Variants in ITPR2 observed in about 807,000 individuals in gnomAD.
ITPR2 encodes the protein inositol 1,4,5-trisphosphate-gated calcium channel ITPR2.
A neutral mutation model predicts 317.1 loss-of-function variants in ITPR2; 207 were observed. The observed-to-expected ratio is 0.65, with a 90% CI of 0.58 to 0.73. The LOEUF (loss-of-function observed/expected upper bound fraction) is 0.73, where lower values mean the gene tolerates loss of function less well. Among genes scored for constraint, ITPR2 ranks in the 30% least tolerant of loss-of-function variants. The pLI, the probability that ITPR2 is intolerant of heterozygous loss-of-function variation, is 0.00. For synonymous variants in ITPR2, 1,156 were observed against 1,149.1 expected (o/e 1.01, Z -0.12); for missense variants, 2,613 against 3,284.0 (o/e 0.80, Z 4.99).
chr12:26,489,887 G>A (rs1942758896), intron 39 of ITPR2, among the ~76,000 whole-genome samples: 1 of 152,136 alleles, frequency 6.6e-6, no homozygotes, highest in East Asian at 1.9e-4. Flanking sequence ...AAACCCCCAT[G>A]GAACTGGCAA....
intron 13 of ITPR2, among the ~76,000 whole-genome samples, chr12:26,674,651 C>T (rs1947866586): frequency 6.6e-6 from 1 of 152,200 alleles, no homozygotes; most frequent in African/African-American, 2.4e-5. Flanking sequence ...GACTTCATGT[C>T]TAAAACACCA....
At chr12:26,611,637 A>G (rs530073896) in intron 26 of ITPR2, among the ~76,000 whole-genome samples, 1 of 152,338 alleles carries the variant, frequency 6.6e-6, no homozygotes, top group Admixed American at 6.5e-5. Context: ...ATATAGGTAT[A>G]CACACAAATA....
intron 35 of ITPR2, among the ~76,000 whole-genome samples, chr12:26,558,678 T>C (rs1944730775): frequency 6.6e-6 from 1 of 152,232 alleles, no homozygotes; most frequent in Non-Finnish European, 1.5e-5. Flanking sequence ...CTGCTCCTTT[T>C]CTCTTTGCTA....
chr12:26,550,113 T>C lies in ITPR2; in HGVS notation c.5073+134A>G, dbSNP rs1053362427. 8.9e-6 allele frequency: 4 copies of C among 449,310 alleles called. No individual in the cohort carries two copies. In the South Asian group the frequency reaches 1.4e-4, roughly 16 times the overall value. 27.8% of individuals were successfully genotyped at this position (449,310 alleles called of 1,614,324 possible). On this transcript the variant is annotated intron_variant, in intron 37 of 56. Transcript: ENST00000381340. ...ATGAATATCATAAAAACTCAAATTA[T>C]ATAATTCATCTAAGTACATGCATCA...
In ITPR2 at chr12:26,663,438, A is replaced by G. The variant is rs543349169; in HGVS notation, c.1713+247T>C. On this transcript the variant is annotated intron_variant, in intron 15 of 56. Coordinates refer to ENST00000381340, the MANE Select transcript of ITPR2 (RefSeq NM_002223.4). ...AGGATGTCCTGGCCACCAGGAACCA[A>G]TAACAGGCACATATTAGTACTCAGG... is the stretch of plus-strand genomic sequence containing the variant. 2.9e-4 allele frequency among the ~76,000 whole-genome samples: 44 copies of G among 152,334 alleles called. No homozygotes were observed. The South Asian group carries it at 9.1e-3, about 32-fold the overall frequency.
chr12:26,806,405 AAAC>A (rs1950639560), intron 1 of ITPR2, among the ~76,000 whole-genome samples: 1 of 152,192 alleles, frequency 6.6e-6, no homozygotes, highest in Admixed American at 6.5e-5. Flanking sequence ...CTTGAAAAAA[AAAC>A]AAGAGACTGT....
At chr12:26,343,921 T>C (rs1938218225) in intron 55 of ITPR2, among the ~76,000 whole-genome samples, 1 of 152,144 alleles carries the variant, frequency 6.6e-6, no homozygotes, top group Admixed American at 6.5e-5. Context: ...GCTTGTCCCC[T>C]CCAAAATTCA....
intron 2 of ITPR2, among the ~76,000 whole-genome samples, chr12:26,760,604 C>G (rs574566183): frequency 1.2e-4 from 19 of 152,246 alleles, no homozygotes; most frequent in African/African-American, 4.6e-4. Flanking sequence ...TTGTCTATAA[C>G]AAATGAACTT....
chr12:26,513,621 T>A lies in ITPR2; in HGVS notation c.5074-18361A>T, dbSNP rs556832029. 4.0e-3 allele frequency among the ~76,000 whole-genome samples: 613 copies of A among 152,018 alleles called. 12 individuals are homozygous for A. The highest frequency in any genetic ancestry group is 0.027 in the Admixed American group (412 of 15,272). On this transcript the variant is annotated intron_variant, in intron 37 of 56. Coordinates refer to ENST00000381340, the MANE Select transcript of ITPR2 (RefSeq NM_002223.4). Reference sequence around the variant, plus strand: ...GCTGCCATGAAAAGTCATCTGGGAATATAATTTCATCTACACCCAAGTTTT... The same window carrying A: ...GCTGCCATGAAAAGTCATCTGGGAAAATAATTTCATCTACACCCAAGTTTT...
chr12:26,500,552 T>A (rs553506202), intron 37 of ITPR2, among the ~76,000 whole-genome samples: 26 of 152,314 alleles, frequency 1.7e-4, no homozygotes, highest in African/African-American at 5.5e-4. Context: ...TGTCTTCATG[T>A]GAACACATCC....
At position 26,585,490 on chromosome 12, in the gene ITPR2, C is replaced by T. The variant is rs184863517; in HGVS notation, c.4381-5335G>A. Among the ~76,000 whole-genome samples the T allele has an allele frequency of 3.7e-4, 57 of 152,230 alleles. No individual in the cohort carries two copies. In the East Asian group the frequency reaches 8.7e-3, roughly 23 times the overall value. ...GGTGCAATCAGCTCATTGCAACCTC[C>T]GCCTCCCAGGTTTAAGGGATCCTCC... On this transcript the variant is annotated intron_variant, in intron 32 of 56. Transcript: ENST00000381340.
chr12:26,572,020 T>G (rs528146506), intron 34 of ITPR2, among the ~76,000 whole-genome samples: 1 of 152,356 alleles, frequency 6.6e-6, no homozygotes, highest in East Asian at 1.9e-4. Context: ...AACTTGGAAA[T>G]GCACTGAAAA....
chr12:26,770,103 A>G (rs1029837921), intron 2 of ITPR2, among the ~76,000 whole-genome samples: 2 of 152,248 alleles, frequency 1.3e-5, no homozygotes, highest in Admixed American at 1.3e-4. Context: ...TTGTACTGTT[A>G]TAAGGATCAT....
intron 10 of ITPR2, among the ~76,000 whole-genome samples, chr12:26,689,947 A>G (rs1233405096): frequency 6.6e-6 from 1 of 152,208 alleles, no homozygotes; most frequent in Non-Finnish European, 1.5e-5. Context: ...AGACCAGGAG[A>G]ATTATAGTCA....
At chr12:26,790,503 T>C (rs1950323150) in intron 1 of ITPR2, among the ~76,000 whole-genome samples, 1 of 151,862 alleles carries the variant, frequency 6.6e-6, no homozygotes, top group East Asian at 1.9e-4. Flanking sequence ...TAAAACTACA[T>C]TAAACAAAAT....
At position 26,654,144 on chromosome 12, in the gene ITPR2, A is replaced by AAC; in HGVS notation, c.2590-19_2590-18insGT. On this transcript the variant is annotated intron_variant, in intron 20 of 56. Coordinates refer to ENST00000381340, the MANE Select transcript of ITPR2 (RefSeq NM_002223.4). ...TGGACCACCTTAATAAAAAAAAAAA[A>AAC]GCGGGGAGGGGGAGGGTGAAAGAGT... is the stretch of plus-strand genomic sequence containing the variant. 2 of 1,204,824 alleles carry AAC rather than the reference A, an allele frequency of 1.7e-6. No homozygotes were observed. The highest frequency in any genetic ancestry group is 1.3e-5 in the South Asian group (1 of 74,562). 74.6% of individuals were successfully genotyped at this position (1,204,824 alleles called of 1,614,324 possible). A position where few individuals can be genotyped will look rare whatever the true frequency, so the allele number is the denominator to read the frequency against.
At chr12:26,767,149 C>T (rs1949735767) in intron 2 of ITPR2, among the ~76,000 whole-genome samples, 1 of 152,106 alleles carries the variant, frequency 6.6e-6, no homozygotes, top group Non-Finnish European at 1.5e-5. Context: ...TGCAGCAGGC[C>T]GGCCTCCTTC....
intron 45 of ITPR2, among the ~76,000 whole-genome samples, chr12:26,449,075 A>T (rs1941677853): frequency 6.6e-6 from 1 of 152,156 alleles, no homozygotes; most frequent in African/African-American, 2.4e-5. Flanking sequence ...GGAGAAAAAA[A>T]AATCAAGAAA....
intron 9 of ITPR2, among the ~76,000 whole-genome samples, chr12:26,696,883 C>T (rs1215804939): frequency 6.6e-6 from 1 of 152,216 alleles, no homozygotes; most frequent in East Asian, 1.9e-4. Flanking sequence ...AACTGCTTCC[C>T]TAGTCTGCTA....
Sources: gnomAD v4.1 joint callset for allele counts (sites outside exome capture counted in the v4.1 genomes callset) on GRCh38, gnomAD v4.1.1 for gene constraint, MANE v1.5 for transcripts, NCBI Gene and HGNC (gene_info 2026-07-23, HGNC 2026-07-21) for gene names.